LMF1: variants seen among roughly 807,000 people sequenced by gnomAD.
LMF1 encodes the protein transmembrane protein 112.
Under a neutral mutation model 60.6 loss-of-function variants are expected in LMF1, and 68 were observed. That is an observed-to-expected ratio of 1.12 (90% CI 0.92 to 1.37). The LOEUF (loss-of-function observed/expected upper bound fraction) is 1.37, where lower values mean the gene tolerates loss of function less well. Among genes scored for constraint, LMF1 ranks in the 40% most tolerant of loss-of-function variants. The probability of loss-of-function intolerance (pLI) is 0.00; values close to 1 mark genes in which losing one functional copy is unlikely to be tolerated. For missense variants in LMF1, 948 were observed against 767.2 expected (o/e 1.24, Z -2.78); for synonymous variants, 418 against 324.7 (o/e 1.29, Z -3.09).
At chr16:868,894 C>T (rs771315884) in intron 10 of LMF1, 50 bp downstream of exon 10, 2 of 1,197,806 alleles carry the variant, frequency 1.7e-6, no homozygotes, top group Non-Finnish European at 2.5e-6. Context: ...TCCCAGCAGA[C>T]ACCTGGATTT....
intron 6 of LMF1, among the ~76,000 whole-genome samples, chr16:877,680 C>T (rs1298030816): frequency 1.3e-5 from 2 of 152,152 alleles, no homozygotes; most frequent in African/African-American, 4.8e-5. Context: ...AGGCAGTGCG[C>T]GGGGTGGCGG....
intron 6 of LMF1, chr16:872,946 CTGAGTG>C (rs1398172003): frequency 1.3e-5 from 2 of 152,410 alleles, no homozygotes; most frequent in Non-Finnish European, 2.9e-5. Flanking sequence ...TGGGCCCTGC[CTGAGTG>C]TATTTCCAAA....
intron 4 of LMF1, among the ~76,000 whole-genome samples, chr16:905,666 T>G (rs2070956672): frequency 6.6e-6 from 1 of 152,224 alleles, no homozygotes; most frequent in East Asian, 1.9e-4. Context: ...ACAGGTTCCT[T>G]GTCAGGCATA....
At chr16:956,479 A>G (rs918139870) in intron 1 of LMF1, among the ~76,000 whole-genome samples, 2 of 152,228 alleles carry the variant, frequency 1.3e-5, no homozygotes, top group South Asian at 4.1e-4. Flanking sequence ...ATCATGGCTG[A>G]AAAAAATTAA....
In LMF1 at chr16:869,941, C is replaced by G; in HGVS notation, c.1358G>C (p.Cys453Ser). ...GCGGTAGTGGTACGGGGAGATGAGGCAGGGCCGTCTGCTGGGGTCACCTGG... is the reference window on the plus strand; with the variant it reads ...GCGGTAGTGGTACGGGGAGATGAGGGAGGGCCGTCTGCTGGGGTCACCTGG... ...CKPGDPSRRP[C>S]LISPYHYRLD... Residue 453 changes from cysteine to serine, a missense_variant, in exon 9 of 11, where the codon TGC (cysteine) becomes TCC (serine). Cys to Ser is a moderately radical substitution (Grantham distance 112). Coordinates refer to ENST00000262301, the MANE Select transcript of LMF1 (RefSeq NM_022773.4). 6.2e-7 allele frequency: 1 copy of G among 1,613,328 alleles called. No individual in the cohort carries two copies. Among genetic ancestry groups the G allele is most frequent in the Non-Finnish European group, 8.5e-7 (1 of 1,179,864 alleles).
intron 2 of LMF1, among the ~76,000 whole-genome samples, chr16:947,946 TGACAGAGTCAGAGCCAAC>T (rs1567294342): frequency 1.1e-5 from 1 of 91,370 alleles, no homozygotes. Flanking sequence ...AGTCAGCCAA[TGACAGAGTCAGAGCCAAC>T]GACAGAGTCA....
chr16:894,006 C>T (rs1349262887), intron 4 of LMF1, among the ~76,000 whole-genome samples: 1 of 147,726 alleles, frequency 6.8e-6, no homozygotes, highest in African/African-American at 2.5e-5. Context: ...ACTGTCCACC[C>T]ACCCGTCCCC....
At chr16:895,269 G>A (rs995507609) in intron 4 of LMF1, among the ~76,000 whole-genome samples, 1 of 152,188 alleles carries the variant, frequency 6.6e-6, no homozygotes, top group Non-Finnish European at 1.5e-5. Flanking sequence ...TCTCCTGCCT[G>A]GTCGGGTCAG....
intron 3 of LMF1, among the ~76,000 whole-genome samples, chr16:926,013 G>T (rs1442584746): frequency 2.0e-5 from 3 of 151,298 alleles, no homozygotes; most frequent in African/African-American, 7.3e-5. Context: ...ATGCATGTGT[G>T]CTTGCATATG....
At position 878,904 on chromosome 16, in the gene LMF1, C is replaced by T. The variant is rs1052351866; in HGVS notation, c.897+666G>A. ...GAGAGAGAACCACCTTTAAAATCCC[C>T]ACCACATTTTCCTTGGGAATTGACA... On this transcript the variant is annotated intron_variant, in intron 6 of 10. Transcript: ENST00000262301. This position sits in a 1 kb window ranked among gnomAD's most constrained non-coding sequence, Gnocchi z 5.2. Among the ~76,000 whole-genome samples the T allele has an allele frequency of 3.9e-5, 6 of 152,204 alleles. No homozygotes were observed. The highest frequency in any genetic ancestry group is 1.4e-4 in the African/African-American group (6 of 41,454).
chr16:880,367 G>A (rs962430544), intron 5 of LMF1, among the ~76,000 whole-genome samples: 1 of 152,186 alleles, frequency 6.6e-6, no homozygotes, highest in African/African-American at 2.4e-5. Flanking sequence ...AACTTGCCCT[G>A]CACCATAATT....
intron 3 of LMF1, among the ~76,000 whole-genome samples, chr16:928,909 C>T (rs111283988): frequency 6.6e-6 from 1 of 152,214 alleles, no homozygotes; most frequent in African/African-American, 2.4e-5. Flanking sequence ...ACTCCAAAGG[C>T]CTTGGGAACC....
chr16:950,581 T>C (rs1345199249), intron 2 of LMF1, among the ~76,000 whole-genome samples: 2 of 109,670 alleles, frequency 1.8e-5, no homozygotes, highest in East Asian at 5.3e-4. Flanking sequence ...AACGACAGAG[T>C]CAGCCAATGA....
intron 9 of LMF1, chr16:869,539 C>G (rs1440008111): frequency 1.7e-6 from 1 of 577,232 alleles, no homozygotes. Context: ...ATCCTTCCTC[C>G]TCCTGCGTAG....
At chr16:917,584 G>T (rs543841798) in intron 3 of LMF1, among the ~76,000 whole-genome samples, 1 of 152,224 alleles carries the variant, frequency 6.6e-6, no homozygotes, top group African/African-American at 2.4e-5. Context: ...GGCAGGTGCC[G>T]TTCTAGGGGC....
intron 1 of LMF1, among the ~76,000 whole-genome samples, chr16:959,887 C>T (rs987974832): frequency 7.2e-5 from 11 of 151,962 alleles, no homozygotes; most frequent in South Asian, 2.1e-4. Flanking sequence ...TGTTCCAGGA[C>T]GGAAGGCTGG....
chr16:978,943 C>T, intron 1 of LMF1: 2 of 453,536 alleles, frequency 4.4e-6, no homozygotes, highest in Non-Finnish European at 8.8e-6. Context: ...AGCTTCAGGG[C>T]TCAGCTTAAA....
intron 3 of LMF1, among the ~76,000 whole-genome samples, chr16:926,444 T>C (rs936004807): frequency 6.6e-6 from 1 of 152,102 alleles, no homozygotes; most frequent in African/African-American, 2.4e-5. Flanking sequence ...TGTGCTCGTG[T>C]GTTTGCACAG....
At chr16:857,059 C>T (rs7185477) in intron 10 of LMF1, among the ~76,000 whole-genome samples, 5,169 of 152,324 alleles carry the variant, frequency 0.034, 252 homozygotes, top group African/African-American at 0.11. Flanking sequence ...GCGATTCTCA[C>T]GCCAATTCTC....
Sources: gnomAD v4.1 joint callset for allele counts (sites outside exome capture counted in the v4.1 genomes callset) on GRCh38, gnomAD v4.1.1 for gene constraint, Gnocchi (gnomAD v3.1) non-coding constraint, MANE v1.5 for transcripts, NCBI Gene and HGNC (gene_info 2026-07-23, HGNC 2026-07-21) for gene names.